DZIP1: variants seen among roughly 807,000 people sequenced by gnomAD.
DZIP1 encodes the protein cilium assembly protein DZIP1.
A neutral mutation model predicts 107.6 loss-of-function variants in DZIP1; 97 were observed. The observed-to-expected ratio is 0.90, with a 90% CI of 0.77 to 1.07. DZIP1 has a LOEUF of 1.07. Among genes scored for constraint, DZIP1 ranks in the 50% least tolerant of loss-of-function variants. The pLI is 0.00. For missense variants in DZIP1, 1,035 were observed against 1,063.6 expected (o/e 0.97, Z 0.37); for synonymous variants, 390 against 386.4 (o/e 1.01, Z -0.11).
At chr13:95,596,222 A>C (rs183352326) in intron 15 of DZIP1, among the ~76,000 whole-genome samples, 6 of 152,316 alleles carry the variant, frequency 3.9e-5, no homozygotes, top group Admixed American at 2.6e-4. Flanking sequence ...TTTTAGTTAA[A>C]GCACATATTG....
chr13:95,621,891 C>T (rs61377134), intron 9 of DZIP1, among the ~76,000 whole-genome samples: 57 of 151,518 alleles, frequency 3.8e-4, no homozygotes, highest in African/African-American at 1.2e-3. Flanking sequence ...TTAATTGAGC[C>T]GAGGTGGGCG....
At chr13:95,633,369 C>A in intron 5 of DZIP1, 48 bp from the exon 6 acceptor site, 2 of 1,517,824 alleles carry the variant, frequency 1.3e-6, no homozygotes, top group Non-Finnish European at 1.8e-6. Flanking sequence ...CGACTGTCGT[C>A]CCACTTAATT....
rs937368729 is a variant in DZIP1 at position 95,579,485 on chromosome 13, A to C, written c.*2749T>G. On this transcript the variant is annotated 3_prime_UTR_variant, in exon 23 of 23. Transcript: ENST00000376829. ...AAAAAGAAATGAAAACAGAGAGCTT[A>C]AATAATTTGCCACAGTAATGTCGAA... 6.6e-6 allele frequency: 1 copy of C among 152,232 alleles called. No individual in the cohort carries two copies. Among genetic ancestry groups the C allele is most frequent in the African/African-American group, 2.4e-5 (1 of 41,460 alleles). 9.4% of individuals were successfully genotyped at this position (152,232 alleles called of 1,614,324 possible).
chr13:95,590,037 A>G lies in DZIP1; in HGVS notation c.1844-105T>C, dbSNP rs544278190. On this transcript the variant is annotated intron_variant, in intron 17 of 22. Coordinates refer to ENST00000376829, the MANE Select transcript of DZIP1 (RefSeq NM_198968.4). ...CCCTATGCTGCTGTGGCAATGAACA[A>G]TCCCATCTCTAGGGTTTAAAGCCAG... 4.3e-6 allele frequency: 6 copies of G among 1,400,208 alleles called. No homozygotes were observed. The South Asian group carries it at 7.2e-5, about 17-fold the overall frequency. 86.7% of individuals were successfully genotyped at this position (1,400,208 alleles called of 1,614,324 possible). A position where few individuals can be genotyped will look rare whatever the true frequency, so the allele number is the denominator to read the frequency against.
intron 15 of DZIP1, among the ~76,000 whole-genome samples, chr13:95,595,576 T>G (rs1330210013): frequency 2.6e-5 from 4 of 152,004 alleles, no homozygotes; most frequent in Non-Finnish European, 4.4e-5. Flanking sequence ...CTATGAACAA[T>G]CCATCAAAAT....
Position 95,587,679 on chromosome 13 carries a change from C to CGGATG in DZIP1, c.2073_2077dup (p.Arg693ProfsTer27). On this transcript the variant is annotated frameshift_variant, in exon 20 of 23. Transcript: ENST00000376829. LOFTEE classifies it high-confidence loss of function. ...AAGTGGGCCTGGGGATGCGTATGCC[C>CGGATG]GGATGAGGTCGTCGTCCTCCTGCTC... 1 of 1,614,048 alleles carries CGGATG rather than the reference C, an allele frequency of 6.2e-7. No individual in the cohort carries two copies. The highest frequency in any genetic ancestry group is 8.5e-7 in the Non-Finnish European group (1 of 1,179,994).
At chr13:95,622,189 T>G (rs1381282777) in intron 9 of DZIP1, among the ~76,000 whole-genome samples, 154 bp downstream of exon 9, 1 of 152,236 alleles carries the variant, frequency 6.6e-6, no homozygotes, top group South Asian at 2.1e-4. Context: ...ACACCTCTTA[T>G]GATTTAGGCA....
chr13:95,639,998 ATT>A (rs71682947), intron 5 of DZIP1, among the ~76,000 whole-genome samples: 98 of 142,926 alleles, frequency 6.9e-4, no homozygotes, highest in South Asian at 1.5e-3. Flanking sequence ...ATTTTTATTT[ATT>A]TTTTTTTTTT....
chr13:95,617,868 C>T (rs1006208539), intron 10 of DZIP1: 1 of 517,892 alleles, frequency 1.9e-6, no homozygotes, highest in African/African-American at 1.9e-5. Flanking sequence ...TACAGAAGAA[C>T]TGGTTCCATA....
At chr13:95,593,845 G>A in intron 16 of DZIP1, 99 bp downstream of exon 16, 1 of 1,408,076 alleles carries the variant, frequency 7.1e-7, no homozygotes, top group Middle Eastern at 1.9e-4. Flanking sequence ...TCCAAACATG[G>A]ACAGAATTGA....
intron 10 of DZIP1, among the ~76,000 whole-genome samples, chr13:95,614,610 C>T (rs1718216707): frequency 6.6e-6 from 1 of 152,172 alleles, no homozygotes; most frequent in African/African-American, 2.4e-5. Context: ...TCTAGGCAAA[C>T]ATAGCCAGAA....
Position 95,641,499 on chromosome 13 carries a change from C to G in DZIP1, c.393G>C (p.Leu131Phe). The change falls in exon 5 of 23, where the codon TTG becomes TTC. Residue 131 changes from leucine (L) to phenylalanine (F), a missense_variant. By Grantham distance (22) the Leu-to-Phe change is conservative. Coordinates refer to ENST00000376829, the MANE Select transcript of DZIP1 (RefSeq NM_198968.4). This position sits in a 1 kb window ranked among gnomAD's most constrained non-coding sequence, Gnocchi z 4.3. Reference sequence around the variant, plus strand: ...AGGTGAGGAACTCTTGTGAGTGCAGCAAGTACTCGATGGTGAACTGCGCCA... The same window carrying G: ...AGGTGAGGAACTCTTGTGAGTGCAGGAAGTACTCGATGGTGAACTGCGCCA... ...IRLAQFTIEY[L>F]LHSQEFLTSQ... 3 of 1,614,100 alleles carry G rather than the reference C, an allele frequency of 1.9e-6. No homozygotes were observed. The highest frequency in any genetic ancestry group is 2.5e-6 in the Non-Finnish European group (3 of 1,180,012).
intron 21 of DZIP1, among the ~76,000 whole-genome samples, chr13:95,585,461 A>C (rs2044136109): frequency 6.6e-6 from 1 of 152,240 alleles, no homozygotes; most frequent in African/African-American, 2.4e-5. Flanking sequence ...AATGCCCTGG[A>C]CTGGAGGACC....
intron 12 of DZIP1, among the ~76,000 whole-genome samples, chr13:95,610,227 G>A (rs1210888052): frequency 6.6e-6 from 1 of 151,942 alleles, no homozygotes; most frequent in Non-Finnish European, 1.5e-5. Flanking sequence ...ATTAAACTTA[G>A]AACAAACCTG....
intron 14 of DZIP1, among the ~76,000 whole-genome samples, chr13:95,603,522 G>T (rs1272737137): frequency 6.6e-6 from 1 of 151,984 alleles, no homozygotes; most frequent in Admixed American, 6.6e-5. Context: ...CTCTAAAAGT[G>T]GGCCACATTA....
intron 3 of DZIP1, among the ~76,000 whole-genome samples, chr13:95,642,735 A>G (rs1457495285): frequency 6.6e-6 from 1 of 152,240 alleles, no homozygotes; most frequent in East Asian, 1.9e-4. Flanking sequence ...AGTTAAGGGT[A>G]CATTTTTATT....
Position 95,641,732 on chromosome 13 carries a change from GC to G in DZIP1, c.159del (p.Leu55CysfsTer18). 1 of 1,595,208 alleles carries G rather than the reference GC, an allele frequency of 6.3e-7. No individual in the cohort carries two copies. Among genetic ancestry groups the G allele is most frequent in the Non-Finnish European group, 8.5e-7 (1 of 1,176,312 alleles). On this transcript the variant is annotated frameshift_variant, in exon 5 of 23. Coordinates refer to ENST00000376829, the MANE Select transcript of DZIP1 (RefSeq NM_198968.4). LOFTEE classifies it high-confidence loss of function. The surrounding 1 kb of genome is among the most constrained non-coding windows in gnomAD (Gnocchi z 4.3). ...GGCCTGAACTGGAAGAAGGGCAGGGGCCCCGAAGCCGCGCTGGGGGGCGCAC... is the reference window on the plus strand; with the variant it reads ...GGCCTGAACTGGAAGAAGGGCAGGGGCCCGAAGCCGCGCTGGGGGGCGCAC... ...MACAPPSAAS[G>X]PLPFFQFRPR...
chr13:95,599,315 G>A (rs760823900), intron 15 of DZIP1, 50 bp downstream of exon 15: 2 of 1,502,066 alleles, frequency 1.3e-6, no homozygotes, highest in African/African-American at 1.4e-5. Context: ...CCTAGATTTT[G>A]GCATATAAAT....
At chr13:95,613,064 A>G (rs1566395999) in intron 10 of DZIP1, among the ~76,000 whole-genome samples, 1 of 152,200 alleles carries the variant, frequency 6.6e-6, no homozygotes, top group Non-Finnish European at 1.5e-5. Flanking sequence ...ATACAGAGAC[A>G]CACAGACATA....
Sources: gnomAD v4.1 joint callset for allele counts (sites outside exome capture counted in the v4.1 genomes callset) on GRCh38, gnomAD v4.1.1 for gene constraint, Gnocchi (gnomAD v3.1) non-coding constraint, MANE v1.5 for transcripts, NCBI Gene and HGNC (gene_info 2026-07-23, HGNC 2026-07-21) for gene names.